Variants in VWF observed in about 807,000 individuals in gnomAD.
VWF encodes the protein Factor VIII related antigen.
VWF carries 176 observed loss-of-function variants against 308.6 expected under a neutral mutation model. The observed-to-expected ratio is 0.57, with a 90% CI of 0.50 to 0.65. The LOEUF (loss-of-function observed/expected upper bound fraction) is 0.65, where lower values mean the gene tolerates loss of function less well. Ranked by LOEUF, VWF falls within the 30% of genes least tolerant of loss-of-function variation. The pLI is 0.00. For missense variants in VWF, 3,146 were observed against 3,648.2 expected (o/e 0.86, Z 3.55); for synonymous variants, 1,385 against 1,443.4 (o/e 0.96, Z 0.92).
At chr12:5,968,005 C>T (rs947756076) in intron 46 of VWF, 122 bp downstream of exon 46, 15 of 1,385,390 alleles carry the variant, frequency 1.1e-5, no homozygotes, top group Admixed American at 3.6e-5. Flanking sequence ...CAGTGGAAAG[C>T]TGGGGTTGGG....
In VWF at chr12:5,968,293, T is replaced by C. The variant is rs940450152; in HGVS notation, c.7730-126A>G. ...CTCCCTCCTGTATCGGTCGGCCCTT[T>C]CCCCCCACCCCACAACCCAGCGCTG... On this transcript the variant is annotated intron_variant, in intron 45 of 51. Transcript: ENST00000261405. 6 of 1,179,824 alleles carry C rather than the reference T, an allele frequency of 5.1e-6. No homozygotes were observed. In the African/African-American group the frequency reaches 7.6e-5, roughly 15 times the overall value. 73.1% of individuals were successfully genotyped at this position (1,179,824 alleles called of 1,614,324 possible). A position where few individuals can be genotyped will look rare whatever the true frequency, so the allele number is the denominator to read the frequency against.
chr12:6,103,615 T>C (rs1324358122), intron 5 of VWF, among the ~76,000 whole-genome samples: 1 of 146,006 alleles, frequency 6.8e-6, no homozygotes, highest in Admixed American at 6.9e-5. Flanking sequence ...CACCCAGAGA[T>C]AGAGCCAGTT....
At chr12:6,080,681 C>T (rs529988371) in intron 6 of VWF, among the ~76,000 whole-genome samples, 3 of 152,308 alleles carry the variant, frequency 2.0e-5, no homozygotes, top group South Asian at 2.1e-4. Flanking sequence ...CACAGCTGCC[C>T]GCTGAGAGGC....
chr12:6,013,673 A>T, intron 31 of VWF, 28 bp from the exon 32 acceptor site: 1 of 1,612,024 alleles, frequency 6.2e-7, no homozygotes, highest in Non-Finnish European at 8.5e-7. Flanking sequence ...ACAAGAAAGG[A>T]TCTGTGGGCA....
intron 47 of VWF, among the ~76,000 whole-genome samples, chr12:5,956,469 C>A (rs1161895928): frequency 6.6e-6 from 1 of 151,894 alleles, no homozygotes; most frequent in Non-Finnish European, 1.5e-5. Context: ...GACTACTGTG[C>A]GTGCTGAGTT....
Position 6,024,825 on chromosome 12 carries a change from C to T in VWF, c.3222+755G>A, listed in dbSNP as rs1257686448. The stretch of plus-strand genomic sequence containing the variant: ...GATCACCTGAGTCAGGAGTTCAAGG[C>T]CAGCCTGACCAACATGGTGAAACCT... On this transcript the variant is annotated intron_variant, in intron 24 of 51. Coordinates refer to ENST00000261405, the MANE Select transcript of VWF (RefSeq NM_000552.5). The surrounding 1 kb of genome is among the most constrained non-coding windows in gnomAD (Gnocchi z 4.0). Among the ~76,000 whole-genome samples, 2 of 152,156 alleles carry T rather than the reference C, an allele frequency of 1.3e-5. No individual in the cohort carries two copies. Among genetic ancestry groups the T allele is most frequent in the Non-Finnish European group, 2.9e-5 (2 of 68,018 alleles).
chr12:5,973,236 C>T (rs897335830), intron 43 of VWF, among the ~76,000 whole-genome samples: 1 of 152,192 alleles, frequency 6.6e-6, no homozygotes, highest in Non-Finnish European at 1.5e-5. Context: ...CAAATTCCCT[C>T]GCTTATATCG....
chr12:6,089,916 G>C lies in VWF; in HGVS notation c.657+5544C>G, dbSNP rs117739966. Reference sequence around the variant, plus strand: ...CCACCTGCCAACAGCACAACTGTATGTTTGGGAAAAAAAGAAAGAAATTAT... The same window carrying C: ...CCACCTGCCAACAGCACAACTGTATCTTTGGGAAAAAAAGAAAGAAATTAT... On this transcript the variant is annotated intron_variant, in intron 6 of 51. Transcript: ENST00000261405. 1.2e-3 allele frequency among the ~76,000 whole-genome samples: 187 copies of C among 151,926 alleles called. 2 individuals are homozygous for C. The East Asian group carries it at 0.026, about 21-fold the overall frequency.
intron 47 of VWF, among the ~76,000 whole-genome samples, chr12:5,958,497 G>C (rs1358156840): frequency 6.6e-6 from 1 of 152,178 alleles, no homozygotes; most frequent in Non-Finnish European, 1.5e-5. Context: ...TGACCAGCCT[G>C]TGAAACATGG....
At chr12:5,971,226 G>C (rs1943469125) in intron 44 of VWF, among the ~76,000 whole-genome samples, 1 of 152,214 alleles carries the variant, frequency 6.6e-6, no homozygotes, top group African/African-American at 2.4e-5. Context: ...GAAAAGGTCT[G>C]AGGACCCTGC....
intron 5 of VWF, among the ~76,000 whole-genome samples, chr12:6,103,461 T>TACACACGTGTGTATATAC (rs1230257066): frequency 1.5e-5 from 1 of 67,954 alleles, no homozygotes; most frequent in Non-Finnish European, 2.9e-5. Context: ...TATATGTGTA[T>TACACACGTGTGTATATAC]ATACACATAT....
chr12:5,987,659 A>C (rs149205288), intron 38 of VWF, among the ~76,000 whole-genome samples: 155 of 152,378 alleles, frequency 1.0e-3, no homozygotes, highest in African/African-American at 3.0e-3. Context: ...CCACCTAGCA[A>C]TGAGAAGGAG....
intron 47 of VWF, chr12:5,953,904 T>A: frequency 3.4e-6 from 1 of 297,558 alleles, no homozygotes; most frequent in Non-Finnish European, 6.3e-6. Flanking sequence ...TCTTGAGACT[T>A]GCATCCAAAA....
chr12:6,006,623 CA>C lies in VWF; in HGVS notation c.5842+4993del. ...TGAAACCCCGTCTCTACTAAAAATA[CA>C]AAAAATTAGCCAGGCATGGTGGCAC... On this transcript the variant is annotated intron_variant, in intron 34 of 51. Transcript: ENST00000261405. Among the ~76,000 whole-genome samples the C allele has an allele frequency of 2.0e-5, 3 of 151,932 alleles. No homozygotes were observed. In the Middle Eastern group the frequency reaches 0.01, roughly 517 times the overall value.
Position 6,024,714 on chromosome 12 carries a change from T to C in VWF, c.3222+866A>G, listed in dbSNP as rs1321646392. The stretch of plus-strand genomic sequence containing the variant: ...GTCCACATGTGTGTACACACATACA[T>C]GCAGCAGATAAGAGACAACTGCACT... On this transcript the variant is annotated intron_variant, in intron 24 of 51. Coordinates refer to ENST00000261405, the MANE Select transcript of VWF (RefSeq NM_000552.5). This position sits in a 1 kb window ranked among gnomAD's most constrained non-coding sequence, Gnocchi z 4.0. Among the ~76,000 whole-genome samples the C allele has an allele frequency of 6.6e-6, 1 of 152,216 alleles. No homozygotes were observed. The highest frequency in any genetic ancestry group is 2.4e-5 in the African/African-American group (1 of 41,460).
At position 6,071,198 on chromosome 12, in the gene VWF, T is replaced by C. The variant is rs568174705; in HGVS notation, c.1156+99A>G. The C allele has an allele frequency of 5.2e-5, 75 of 1,455,180 alleles. No homozygotes were observed. The African/African-American group carries it at 9.3e-4, about 18-fold the overall frequency. The allele number at this position is 1,455,180 out of a possible 1,614,324, so 90.1% of individuals were successfully genotyped here. On this transcript the variant is annotated intron_variant, in intron 10 of 51. Transcript: ENST00000261405. Reference sequence around the variant, plus strand: ...CAACCTGTGCAGAGAGGGCAACTTCTCGCTGCCTTGAGTTGTGGCCCTCCC... The same window carrying C: ...CAACCTGTGCAGAGAGGGCAACTTCCCGCTGCCTTGAGTTGTGGCCCTCCC...
In VWF at chr12:6,019,819, G is replaced by A. The variant is rs913481743; in HGVS notation, c.3675-76C>T. 9.0e-6 allele frequency: 13 copies of A among 1,449,272 alleles called. 1 individual carries two copies. The highest frequency in any genetic ancestry group is 7.3e-5 in the South Asian group (6 of 81,818). The allele number at this position is 1,449,272 out of a possible 1,614,324, so 89.8% of individuals were successfully genotyped here. A position where few individuals can be genotyped will look rare whatever the true frequency, so the allele number is the denominator to read the frequency against. ...ACTTCTGAGCCCTACAGTGTACAAT[G>A]ACTTCCATATTCCCACAGAATCTCC... On this transcript the variant is annotated intron_variant, in intron 27 of 51. Transcript: ENST00000261405. This position sits in a 1 kb window ranked among gnomAD's most constrained non-coding sequence, Gnocchi z 5.8.
chr12:6,113,352 C>T (rs1030094904), intron 3 of VWF, among the ~76,000 whole-genome samples: 11 of 148,780 alleles, frequency 7.4e-5, no homozygotes, highest in Non-Finnish European at 1.5e-5. Context: ...GGCTGGAGTG[C>T]AGTGGCGCGA....
At chr12:5,991,202 CACACGCAT>C (rs1471051942) in intron 38 of VWF, among the ~76,000 whole-genome samples, 21 of 126,808 alleles carry the variant, frequency 1.7e-4, no homozygotes, top group Non-Finnish European at 2.3e-4. Flanking sequence ...CACACACACA[CACACGCAT>C]GCACACACAC....
Sources: allele counts gnomAD v4.1 joint callset (sites outside exome capture counted in the v4.1 genomes callset), GRCh38; gene constraint gnomAD v4.1.1; non-coding constraint Gnocchi (gnomAD v3.1); transcripts MANE v1.5; gene names NCBI Gene and HGNC (gene_info 2026-07-23, HGNC 2026-07-21).